PPM1H: variants seen among roughly 807,000 people sequenced by gnomAD.
PPM1H encodes protein phosphatase 1H.
PPM1H carries 27 observed loss-of-function variants against 54.9 expected under a neutral mutation model. The ratio of observed to expected loss-of-function variants is 0.49; its 90% CI spans 0.36 to 0.68. The LOEUF (loss-of-function observed/expected upper bound fraction) is 0.68. Ranked by LOEUF, PPM1H falls within the 30% of genes least tolerant of loss-of-function variation. The pLI is 0.00. For synonymous variants in PPM1H, 305 were observed against 270.8 expected, an observed-to-expected ratio of 1.13 and a Z score of -1.24; for missense variants, 596 against 667.8, an observed-to-expected ratio of 0.89 and a Z score of 1.19.
intron 4 of PPM1H, among the ~76,000 whole-genome samples, chr12:62,741,591 G>A (rs151015206): frequency 5.7e-4 from 87 of 152,242 alleles, no homozygotes; most frequent in Admixed American, 9.8e-4. Context: ...AGCTCAGAAC[G>A]CCTTCTGTTG....
chr12:62,891,104 C>CAAAAAAAAAAAAAAAAAA (rs71450596), intron 1 of PPM1H, among the ~76,000 whole-genome samples: 3 of 76,102 alleles, frequency 3.9e-5, no homozygotes, highest in Non-Finnish European at 5.1e-5. Context: ...GCAAGACTCT[C>CAAAAAAAAAAAAAAAAAA]AAAAAAAAAA....
chr12:62,776,068 ACTCT>A (rs1021437991), intron 4 of PPM1H, among the ~76,000 whole-genome samples: 13 of 152,058 alleles, frequency 8.5e-5, no homozygotes, highest in African/African-American at 2.9e-4. Flanking sequence ...CACGAGACTT[ACTCT>A]CTATCATGAG....
chr12:62,733,261 C>A (rs867266464), intron 5 of PPM1H, among the ~76,000 whole-genome samples: 2 of 152,014 alleles, frequency 1.3e-5, no homozygotes, highest in Non-Finnish European at 2.9e-5. Context: ...TTCTCCACCC[C>A]CCTCCCTGCC....
intron 1 of PPM1H, among the ~76,000 whole-genome samples, chr12:62,919,287 A>ATACT (rs1294694431): frequency 1.3e-5 from 2 of 152,358 alleles, no homozygotes; most frequent in East Asian, 3.9e-4. Flanking sequence ...AATGATCTTG[A>ATACT]CACTCATCTG....
At chr12:62,776,288 C>T (rs1036795345) in intron 4 of PPM1H, among the ~76,000 whole-genome samples, 2 of 152,182 alleles carry the variant, frequency 1.3e-5, no homozygotes, top group Non-Finnish European at 2.9e-5. Flanking sequence ...GACTCTATCC[C>T]CCATGACTCT....
At chr12:62,827,032 T>C (rs1413355203) in intron 2 of PPM1H, among the ~76,000 whole-genome samples, 5 of 152,364 alleles carry the variant, frequency 3.3e-5, no homozygotes, top group Non-Finnish European at 7.3e-5. Flanking sequence ...TTATACCTTC[T>C]GTGTCACCTA....
chr12:62,839,618 T>C (rs983132797), intron 1 of PPM1H, among the ~76,000 whole-genome samples: 3 of 150,560 alleles, frequency 2.0e-5, no homozygotes, highest in Admixed American at 6.6e-5. Flanking sequence ...GGCATTTGAA[T>C]CTGTAACCTT....
chr12:62,709,653 C>G lies in PPM1H; in HGVS notation c.1073+10518G>C, dbSNP rs78260502. Among the ~76,000 whole-genome samples the G allele has an allele frequency of 7.8e-3, 1,190 of 152,276 alleles. 23 individuals are homozygous for G. Among genetic ancestry groups the G allele is most frequent in the African/African-American group, 0.027 (1,142 of 41,560 alleles). On this transcript the variant is annotated intron_variant, in intron 6 of 9. Transcript: ENST00000228705. ...ACAGCCACAGGCATTTTCTTCAAAC[C>G]TTTTTGTATAACTCTTATCTTTTGT...
At chr12:62,687,953 G>A (rs2076062631) in intron 8 of PPM1H, among the ~76,000 whole-genome samples, 1 of 146,204 alleles carries the variant, frequency 6.8e-6, no homozygotes, top group Admixed American at 7.0e-5. Flanking sequence ...AGGGTGCAGT[G>A]AGCCAACATT....
At chr12:62,859,562 T>C (rs1001127146) in intron 1 of PPM1H, among the ~76,000 whole-genome samples, 1 of 152,216 alleles carries the variant, frequency 6.6e-6, no homozygotes, top group African/African-American at 2.4e-5. Context: ...TAGTGATTCA[T>C]TCACATCAGT....
chr12:62,650,710 G>A (rs900303768), intron 9 of PPM1H, among the ~76,000 whole-genome samples: 1 of 151,892 alleles, frequency 6.6e-6, no homozygotes, highest in African/African-American at 2.4e-5. Flanking sequence ...TGTCTTACAT[G>A]GCAGCGGGAG....
At chr12:62,926,338 C>T (rs1056047079) in intron 1 of PPM1H, among the ~76,000 whole-genome samples, 1 of 152,142 alleles carries the variant, frequency 6.6e-6, no homozygotes, top group African/African-American at 2.4e-5. Context: ...TTCCCCCCAC[C>T]ACCCCAAAGT....
At chr12:62,679,976 T>G (rs186467690) in intron 8 of PPM1H, among the ~76,000 whole-genome samples, 1 of 152,346 alleles carries the variant, frequency 6.6e-6, no homozygotes, top group African/African-American at 2.4e-5. Context: ...ACAGGAAGGC[T>G]GTGATACAGT....
intron 6 of PPM1H, among the ~76,000 whole-genome samples, chr12:62,711,126 G>C (rs1363039665): frequency 6.6e-6 from 1 of 152,052 alleles, no homozygotes; most frequent in Non-Finnish European, 1.5e-5. Flanking sequence ...CAGGTAGCTG[G>C]GACTATAGGC....
Position 62,667,233 on chromosome 12 carries a change from C to T in PPM1H, c.1342G>A (p.Val448Ile), listed in dbSNP as rs2136612390. ...GLWDVLSNEE[V>I]AEAITQFLPN... ...AGAAACTGAGTGATTGCTTCTGCTA[C>T]TTCTTCATTTGATAAAACGTCCCAG... is the stretch of plus-strand genomic sequence containing the variant. Residue 448 changes from valine (V) to isoleucine (I), a missense_variant, in exon 9 of 10, where the codon GTA becomes ATA. Physicochemically the swap from Val to Ile is conservative, Grantham distance 29 (BLOSUM62 3). Coordinates refer to ENST00000228705, the MANE Select transcript of PPM1H (RefSeq NM_020700.2). 6.2e-7 allele frequency: 1 copy of T among 1,600,244 alleles called. No individual in the cohort carries two copies. The highest frequency in any genetic ancestry group is 2.2e-5 in the East Asian group (1 of 44,802).
chr12:62,701,213 C>T (rs1045342326), intron 6 of PPM1H, among the ~76,000 whole-genome samples: 3 of 152,192 alleles, frequency 2.0e-5, no homozygotes, highest in African/African-American at 7.2e-5. Context: ...TCTCCTTGTT[C>T]GGCTGCTTTC....
At position 62,832,288 on chromosome 12, in the gene PPM1H, G is replaced by GA; in HGVS notation, c.246-10dup. ...TCCCGGCATTGATAACCCTGGAGAAGAAGCCGGAAAAGCTGGTCAGACAGA... is the reference window on the plus strand; with the variant it reads ...TCCCGGCATTGATAACCCTGGAGAAGAAAGCCGGAAAAGCTGGTCAGACAGA... On this transcript the variant is annotated splice_polypyrimidine_tract_variant and intron_variant, in intron 1 of 9. Transcript: ENST00000228705. 6.2e-7 allele frequency: 1 copy of GA among 1,603,482 alleles called. No individual in the cohort carries two copies. Among genetic ancestry groups the GA allele is most frequent in the Non-Finnish European group, 8.5e-7 (1 of 1,174,846 alleles).
intron 4 of PPM1H, among the ~76,000 whole-genome samples, chr12:62,746,038 A>T (rs2076408593): frequency 6.6e-6 from 1 of 152,058 alleles, no homozygotes; most frequent in Non-Finnish European, 1.5e-5. Context: ...ACAAAAAAAT[A>T]GAAAAAATTA....
chr12:62,865,146 T>C (rs150701422), intron 1 of PPM1H, among the ~76,000 whole-genome samples: 44 of 152,328 alleles, frequency 2.9e-4, no homozygotes, highest in African/African-American at 9.1e-4. Context: ...TGTCTGTCAC[T>C]AGGGAGGGAT....
Sources: allele counts gnomAD v4.1 joint callset (sites outside exome capture counted in the v4.1 genomes callset), GRCh38; gene constraint gnomAD v4.1.1; transcripts MANE v1.5; gene names NCBI Gene and HGNC (gene_info 2026-07-23, HGNC 2026-07-21).